The following CAPN5 variants were observed in gnomAD, a reference collection of about 807,000 sequenced individuals.
CAPN5 encodes calpain 5, also known as calpain-5.
Under a neutral mutation model 73.0 loss-of-function variants are expected in CAPN5, and 54 were observed. The ratio of observed to expected loss-of-function variants is 0.74; its 90% confidence interval spans 0.59 to 0.93. The LOEUF (loss-of-function observed/expected upper bound fraction) is 0.93. Ranked by LOEUF, CAPN5 falls within the 40% of genes least tolerant of loss-of-function variation. The pLI is 0.00. For missense variants in CAPN5, 785 were observed against 882.9 expected (o/e 0.89, Z 1.41); for synonymous variants, 335 against 356.9 (o/e 0.94, Z 0.69).
At chr11:77,071,657 G>T (rs1555033098) in intron 1 of CAPN5, 2 of 453,964 alleles carry the variant, frequency 4.4e-6, no homozygotes, top group Non-Finnish European at 8.9e-6. Flanking sequence ...CACCTCGCTG[G>T]CCTCAGTCTC....
rs1950455943 is a variant in CAPN5 at position 77,115,385 on chromosome 11, C to T, written c.700-10C>T. The T allele has an allele frequency of 6.3e-7, 1 of 1,592,576 alleles. No homozygotes were observed. The highest frequency in any genetic ancestry group is 1.3e-5 in the African/African-American group (1 of 74,596). ...GCCCTGCCTCTCTGAGCAACTGTGT[C>T]CCTCCACAGGCAGTGACAGCAGCTG... On this transcript the variant is annotated splice_polypyrimidine_tract_variant and intron_variant, in intron 5 of 12. Transcript: ENST00000648180.
At chr11:77,100,473 C>T (rs1555038652) in intron 3 of CAPN5, among the ~76,000 whole-genome samples, 2 of 152,160 alleles carry the variant, frequency 1.3e-5, no homozygotes, top group East Asian at 1.9e-4. Context: ...CCCCCACCTT[C>T]GGCCTCCAGA....
At position 77,109,884 on chromosome 11, in the gene CAPN5, T is replaced by TC. The variant is rs1950394128; in HGVS notation, c.298-2702dup. ...AAGCCTCGAGTTTGACTAATGATCC[T>TC]CCCGAGGTCCTAGCAGCCTGTGAGG... On this transcript the variant is annotated intron_variant, in intron 3 of 12. Transcript: ENST00000648180. Among the ~76,000 whole-genome samples the TC allele has an allele frequency of 2.0e-5, 3 of 152,096 alleles. No homozygotes were observed. The South Asian group carries it at 6.2e-4, about 32-fold the overall frequency.
In CAPN5 at chr11:77,085,043, C is replaced by T. The variant is rs782197384; in HGVS notation, c.157C>T (p.Arg53Ter). ...GCCGGGGCCCGCCGTCAGGTGGAAG[C>T]GACCCAAGGTCAGTGTCTGGTCCCA... ...GTPGPAVRWK[R>*]PKGICEDPRL... Residue 53 changes from arginine to a stop codon, truncating the protein, a stop_gained, in exon 2 of 13, where the codon CGA becomes TGA. Transcript: ENST00000648180. LOFTEE classifies it high-confidence loss of function. 1.1e-5 allele frequency: 17 copies of T among 1,613,022 alleles called. No homozygotes were observed. The East Asian group carries it at 1.8e-4, about 17-fold the overall frequency.
At chr11:77,084,077 C>T (rs536452834) in intron 1 of CAPN5, among the ~76,000 whole-genome samples, 2 of 152,310 alleles carry the variant, frequency 1.3e-5, no homozygotes, top group South Asian at 4.1e-4. Context: ...GCTTGGCCGT[C>T]CGAGCATCTC....
Position 77,084,838 on chromosome 11 carries a change from G to T in CAPN5, c.-35-14G>T, listed in dbSNP as rs1555035137. The T allele has an allele frequency of 6.2e-7, 1 of 1,612,260 alleles. No individual in the cohort carries two copies. Among genetic ancestry groups the T allele is most frequent in the Non-Finnish European group, 8.5e-7 (1 of 1,179,034 alleles). Reference sequence around the variant, plus strand: ...GGACTCTGTGAGTGACCGTCTTCTTGCCTTCCTGTCCAGGTGTTCCCCCTC... The same window carrying T: ...GGACTCTGTGAGTGACCGTCTTCTTTCCTTCCTGTCCAGGTGTTCCCCCTC... On this transcript the variant is annotated splice_polypyrimidine_tract_variant and intron_variant, in intron 1 of 12. Transcript: ENST00000648180.
chr11:77,066,992 C>T lies in CAPN5; in HGVS notation c.-138C>T, dbSNP rs1565250863. The T allele has an allele frequency of 6.6e-6, 1 of 152,066 alleles. No homozygotes were observed. Among genetic ancestry groups the T allele is most frequent in the Non-Finnish European group, 1.5e-5 (1 of 67,996 alleles). 9.4% of individuals were successfully genotyped at this position (152,066 alleles called of 1,614,324 possible). A position where few individuals can be genotyped will look rare whatever the true frequency, so the allele number is the denominator to read the frequency against. ...GGCCAGTCCCAGCTGGATCTCCGGC[C>T]AGAGCCCGAGGCTGCTGCGCCGGGC... On this transcript the variant is annotated 5_prime_UTR_variant, in exon 1 of 13. Transcript: ENST00000648180.
At chr11:77,078,712 C>T (rs1221504575) in intron 1 of CAPN5, among the ~76,000 whole-genome samples, 6 of 152,064 alleles carry the variant, frequency 3.9e-5, no homozygotes, top group Non-Finnish European at 7.4e-5. Context: ...TGTATATGTA[C>T]ATATCTGTAT....
At chr11:77,114,219 A>C (rs1950442847) in intron 4 of CAPN5, 23 bp from the exon 5 acceptor site, 1 of 1,609,974 alleles carries the variant, frequency 6.2e-7, no homozygotes, top group Non-Finnish European at 8.5e-7. Context: ...TGAGCTGGGA[A>C]GTCTTTCCAC....
intron 1 of CAPN5, among the ~76,000 whole-genome samples, chr11:77,077,416 A>C (rs565593498): frequency 2.0e-5 from 3 of 152,268 alleles, no homozygotes; most frequent in African/African-American, 7.2e-5. Context: ...GTCTTTTTTT[A>C]ATAAGATATC....
At chr11:77,118,451 G>A in intron 8 of CAPN5, 99 bp downstream of exon 8, 3 of 1,048,638 alleles carry the variant, frequency 2.9e-6, no homozygotes, top group Non-Finnish European at 4.1e-6. Flanking sequence ...GGTAATCCCT[G>A]TCCTTCCTTG....
intron 3 of CAPN5, among the ~76,000 whole-genome samples, chr11:77,099,414 C>T (rs1221566543): frequency 4.2e-5 from 6 of 143,650 alleles, no homozygotes; most frequent in East Asian, 2.1e-4. Flanking sequence ...GCCGAGATCA[C>T]GCCACTGCAC....
intron 1 of CAPN5, among the ~76,000 whole-genome samples, chr11:77,078,915 T>C (rs1950000689): frequency 1.3e-5 from 2 of 152,296 alleles, no homozygotes; most frequent in South Asian, 4.1e-4. Flanking sequence ...CTGATTTCTG[T>C]GTATTCCTTC....
rs1555037919 is a variant in CAPN5, at chr11:77,098,216, C to T, written c.297+4403C>T. ...TCACCTCCCGGACGGGGCGGCTGGCCGGGCAGGGGGGCTGACCCCCCCCAC... is the reference window on the plus strand; with the variant it reads ...TCACCTCCCGGACGGGGCGGCTGGCTGGGCAGGGGGGCTGACCCCCCCCAC... On this transcript the variant is annotated intron_variant, in intron 3 of 12. Transcript: ENST00000648180. Among the ~76,000 whole-genome samples, 11 of 75,082 alleles carry T rather than the reference C, an allele frequency of 1.5e-4. 2 individuals are homozygous for T. Among genetic ancestry groups the T allele is most frequent in the Non-Finnish European group, 7.6e-5 (3 of 39,344 alleles). 49.3% of individuals were successfully genotyped at this position (75,082 alleles called of 152,430 possible).
intron 2 of CAPN5, chr11:77,087,839 C>T: frequency 6.8e-7 from 1 of 1,472,940 alleles, no homozygotes; most frequent in East Asian, 2.5e-5. Context: ...CCTATTGACT[C>T]TGCAGGTGGG....
intron 2 of CAPN5, among the ~76,000 whole-genome samples, chr11:77,086,595 C>T (rs1247463299): frequency 1.3e-5 from 2 of 152,244 alleles, no homozygotes; most frequent in Non-Finnish European, 1.5e-5. Flanking sequence ...CCCTCTCCCA[C>T]GCCTTCCTCT....
intron 8 of CAPN5, 80 bp downstream of exon 8, chr11:77,118,432 A>C (rs1247617970): frequency 1.6e-6 from 2 of 1,258,988 alleles, no homozygotes; most frequent in Non-Finnish European, 2.2e-6. Context: ...GGACTCCTGC[A>C]TGACCTTGGG....
intron 1 of CAPN5, among the ~76,000 whole-genome samples, chr11:77,071,233 T>C (rs1340026616): frequency 3.3e-5 from 5 of 152,152 alleles, no homozygotes; most frequent in Non-Finnish European, 7.4e-5. Context: ...CCTGGGAGCC[T>C]TGGAGGCTGG....
intron 2 of CAPN5, among the ~76,000 whole-genome samples, chr11:77,090,074 G>A (rs1158017229): frequency 6.6e-6 from 1 of 152,210 alleles, no homozygotes; most frequent in Non-Finnish European, 1.5e-5. Flanking sequence ...GTTTTGCACA[G>A]TGCCTGCCAC....
Sources: allele counts gnomAD v4.1 joint callset (sites outside exome capture counted in the v4.1 genomes callset), GRCh38; gene constraint gnomAD v4.1.1; transcripts MANE v1.5; gene names NCBI Gene and HGNC (gene_info 2026-07-23, HGNC 2026-07-21).